Variants in ACACA observed in about 807,000 individuals in gnomAD.
The protein encoded by ACACA is acetyl-CoA carboxylase 1.
In ACACA, 103 loss-of-function variants were observed where a neutral mutation model predicts 296.1. The ratio of observed to expected loss-of-function variants is 0.35; its 90% CI spans 0.30 to 0.41. The LOEUF is 0.41. ACACA is among the 10% of genes least tolerant of loss of function. The pLI, the probability that ACACA is intolerant of heterozygous loss-of-function variation, is 1.00. For synonymous variants in ACACA, 953 were observed against 1,038.6 expected, an observed-to-expected ratio of 0.92 and a Z score of 1.58; for missense variants, 1,554 against 2,989.7, an observed-to-expected ratio of 0.52 and a Z score of 11.20.
At position 37,097,757 on chromosome 17, in the gene ACACA, G is replaced by A. The variant is rs2073080277; in HGVS notation, c.6720+73C>T. The A allele has an allele frequency of 3.2e-6, 5 of 1,576,900 alleles. No individual in the cohort carries two copies. In the South Asian group the frequency reaches 3.4e-5, roughly 11 times the overall value. Reference sequence around the variant, plus strand: ...GGCCCTCATAGCTCCCTGCTTATGAGCCTGTGTGCAACACACACACACACT... The same window carrying A: ...GGCCCTCATAGCTCCCTGCTTATGAACCTGTGTGCAACACACACACACACT... On this transcript the variant is annotated intron_variant, in intron 53 of 55. Transcript: ENST00000616317. The surrounding 1 kb of genome is among the most constrained non-coding windows in gnomAD (Gnocchi z 4.8).
At chr17:37,243,258 A>T in intron 22 of ACACA, 113 bp downstream of exon 22, 1 of 1,140,740 alleles carries the variant, frequency 8.8e-7, no homozygotes, top group Non-Finnish European at 1.3e-6. Flanking sequence ...AATGCTTAAA[A>T]GTATACAAGC....
chr17:37,350,089 G>A (rs757063472), intron 1 of ACACA, among the ~76,000 whole-genome samples: 9 of 152,004 alleles, frequency 5.9e-5, no homozygotes, highest in African/African-American at 1.2e-4. Context: ...CAACACTTTC[G>A]GAGGCTGAGG....
chr17:37,235,580 T>C (rs549240196), intron 24 of ACACA, among the ~76,000 whole-genome samples: 5 of 152,294 alleles, frequency 3.3e-5, no homozygotes, highest in Admixed American at 2.6e-4. Flanking sequence ...TCTGATTCCA[T>C]GTTTGACTTG....
In ACACA at chr17:37,339,848, G is replaced by C; in HGVS notation, c.41C>G (p.Ser14Cys). 1 of 1,275,838 alleles carries C rather than the reference G, an allele frequency of 7.8e-7. No homozygotes were observed. Among genetic ancestry groups the C allele is most frequent in the Non-Finnish European group, 1.1e-6 (1 of 910,008 alleles). 79.0% of individuals were successfully genotyped at this position (1,275,838 alleles called of 1,614,324 possible). Reference protein sequence around the residue: ...STLMSILRARSFWKWISTQTV... With the variant: ...STLMSILRARCFWKWISTQTV... Reference sequence around the variant, plus strand: ...CTGAGTAGATATCCACTTCCAAAAAGACCTAGAGAGAAAGAGAAAGATTTT... The same window carrying C: ...CTGAGTAGATATCCACTTCCAAAAACACCTAGAGAGAAAGAGAAAGATTTT... The change falls in exon 2 of 56, where the codon TCT (serine) becomes TGT (cysteine). Residue 14 changes from serine to cysteine, a missense_variant and splice_region_variant. This residue lies in a region of ACACA where 140 missense variants were observed against 147.7 expected (regional missense o/e 0.95). Coordinates refer to ENST00000616317, the MANE Select transcript of ACACA (RefSeq NM_198834.3).
intron 52 of ACACA, among the ~76,000 whole-genome samples, chr17:37,105,636 G>A (rs548995621): frequency 3.2e-4 from 49 of 152,076 alleles, no homozygotes; most frequent in African/African-American, 1.1e-3. Flanking sequence ...AGGCCGAGGC[G>A]GGCGGATCAC....
At chr17:37,301,834 C>A (rs530190008) in intron 3 of ACACA, among the ~76,000 whole-genome samples, 12 of 152,088 alleles carry the variant, frequency 7.9e-5, no homozygotes, top group Admixed American at 2.6e-4. Context: ...TTGTCAAATT[C>A]TAGAAAGAAA....
At chr17:37,263,198 A>G in intron 11 of ACACA, among the ~76,000 whole-genome samples, 1 of 152,232 alleles carries the variant, frequency 6.6e-6, no homozygotes, top group East Asian at 1.9e-4. Context: ...TCAGGCCTCT[A>G]AACTATAGTT....
intron 52 of ACACA, among the ~76,000 whole-genome samples, chr17:37,106,096 T>C (rs1260776913): frequency 1.3e-5 from 2 of 152,074 alleles, no homozygotes; most frequent in Non-Finnish European, 2.9e-5. Flanking sequence ...AAAAGATCTA[T>C]GTAATCACAT....
intron 9 of ACACA, among the ~76,000 whole-genome samples, chr17:37,273,833 TG>T (rs2082165003): frequency 6.6e-6 from 1 of 152,232 alleles, no homozygotes; most frequent in Admixed American, 6.5e-5. Context: ...AGAAAAAGTA[TG>T]TTGTTTGTTG....
chr17:37,159,645 A>G (rs1443898311), intron 42 of ACACA, among the ~76,000 whole-genome samples: 1 of 152,240 alleles, frequency 6.6e-6, no homozygotes, highest in African/African-American at 2.4e-5. Context: ...ATACTTTAAT[A>G]AAGTTTTTCT....
chr17:37,227,296 T>C (rs978164173), intron 25 of ACACA, among the ~76,000 whole-genome samples: 12 of 152,202 alleles, frequency 7.9e-5, no homozygotes, highest in African/African-American at 2.9e-4. Flanking sequence ...AAAATGTAAA[T>C]GCAGTTTTTA....
intron 25 of ACACA, among the ~76,000 whole-genome samples, chr17:37,230,702 C>T (rs1165246263): frequency 6.6e-6 from 1 of 152,210 alleles, no homozygotes; most frequent in East Asian, 1.9e-4. Flanking sequence ...AAGTTTATTA[C>T]CCTCTGTCCT....
In ACACA at chr17:37,263,908, G is replaced by C. The variant is rs766173472; in HGVS notation, c.1120-14C>G. On this transcript the variant is annotated splice_polypyrimidine_tract_variant and intron_variant, in intron 10 of 55. Coordinates refer to ENST00000616317, the MANE Select transcript of ACACA (RefSeq NM_198834.3). ...TTCAGCTTGAACCTGTATTAGAAAA[G>C]GGGGAAAAAAAAAACCAATTCTTAA... 8 of 1,603,844 alleles carry C rather than the reference G, an allele frequency of 5.0e-6. No homozygotes were observed. In the Admixed American group the frequency reaches 1.2e-4, roughly 24 times the overall value.
intron 37 of ACACA, among the ~76,000 whole-genome samples, chr17:37,191,600 A>C (rs2077753772): frequency 6.6e-6 from 1 of 152,210 alleles, no homozygotes; most frequent in Non-Finnish European, 1.5e-5. Context: ...AGAAAGGAAA[A>C]GCTGAAGAAA....
intron 3 of ACACA, among the ~76,000 whole-genome samples, chr17:37,320,520 A>G (rs575150353): frequency 6.6e-6 from 1 of 151,926 alleles, no homozygotes; most frequent in Non-Finnish European, 1.5e-5. Context: ...CAAAAAAAAA[A>G]AAGCATATCT....
At chr17:37,395,211 T>C (rs1451077500) in intron 1 of ACACA, among the ~76,000 whole-genome samples, 2 of 152,012 alleles carry the variant, frequency 1.3e-5, no homozygotes, top group African/African-American at 4.8e-5. Context: ...AGGTGGATCA[T>C]TTGAGTCAGG....
intron 35 of ACACA, among the ~76,000 whole-genome samples, chr17:37,195,173 T>C (rs1254348070): frequency 6.6e-6 from 1 of 152,200 alleles, no homozygotes; most frequent in African/African-American, 2.4e-5. Flanking sequence ...AAAGTGATAA[T>C]ATGATATTTT....
chr17:37,401,733 A>AT (rs1396794341), intron 1 of ACACA, among the ~76,000 whole-genome samples: 4 of 151,600 alleles, frequency 2.6e-5, no homozygotes, highest in African/African-American at 9.7e-5. Flanking sequence ...TAATTTTTTG[A>AT]TTTTTTTGTA....
At chr17:37,391,942 T>A (rs1254913732) in intron 1 of ACACA, 1 of 561,806 alleles carries the variant, frequency 1.8e-6, no homozygotes, top group African/African-American at 1.9e-5. Context: ...TACATCCATC[T>A]AAATGGATAC....
Sources: allele counts gnomAD v4.1 joint callset (sites outside exome capture counted in the v4.1 genomes callset), GRCh38; gene constraint gnomAD v4.1.1; regional missense constraint gnomAD v4.1.1; non-coding constraint Gnocchi (gnomAD v3.1); transcripts MANE v1.5; gene names NCBI Gene and HGNC (gene_info 2026-07-23, HGNC 2026-07-21).